DNM1L: variants seen among roughly 807,000 people sequenced by gnomAD.
DNM1L encodes dynamin-1-like protein.
In DNM1L, 33 loss-of-function variants were observed where a neutral mutation model predicts 92.8. The ratio of observed to expected loss-of-function variants is 0.36; its 90% CI spans 0.27 to 0.48. The LOEUF (loss-of-function observed/expected upper bound fraction) is 0.48, where lower values mean the gene tolerates loss of function less well. Among genes scored for constraint, DNM1L ranks in the 20% least tolerant of loss-of-function variants. The probability of loss-of-function intolerance (pLI) is 0.99; values close to 1 mark genes in which losing one functional copy is unlikely to be tolerated. For synonymous variants in DNM1L, 284 were observed against 305.0 expected (o/e 0.93, Z 0.72); for missense variants, 485 against 888.8 (o/e 0.55, Z 5.78).
intron 8 of DNM1L, 97 bp downstream of exon 8, chr12:32,720,892 C>G (rs1953770961): frequency 1.4e-6 from 2 of 1,479,662 alleles, no homozygotes; most frequent in Non-Finnish European, 1.9e-6. Context: ...CATACTGTTC[C>G]TAACAGCTTC....
chr12:32,701,574 A>G lies in DNM1L; in HGVS notation c.250+12A>G, dbSNP rs1283808011. The G allele has an allele frequency of 1.2e-6, 2 of 1,603,444 alleles. No homozygotes were observed. ...AGGAGAAGAAAATGGTAAATTTCAG[A>G]TTTGAGATAATTATTTTACAGCTCT... On this transcript the variant is annotated intron_variant, in intron 2 of 19. Transcript: ENST00000549701.
chr12:32,718,771 G>A lies in DNM1L; in HGVS notation c.740+8G>A, dbSNP rs1396577836. The A allele has an allele frequency of 1.2e-6, 2 of 1,613,380 alleles. No individual in the cohort carries two copies. The highest frequency in any genetic ancestry group is 1.7e-6 in the Non-Finnish European group (2 of 1,179,532). On this transcript the variant is annotated splice_region_variant and intron_variant, in intron 7 of 19. Coordinates refer to ENST00000549701, the MANE Select transcript of DNM1L (RefSeq NM_012062.5). ...AATTGGAGTAGTTAACAGGTTAGCA[G>A]TTAGAATGGGATAAGAATTGGGATA...
At chr12:32,729,857 G>A (rs150510002) in intron 9 of DNM1L, among the ~76,000 whole-genome samples, 81 of 152,208 alleles carry the variant, frequency 5.3e-4, no homozygotes, top group African/African-American at 1.9e-3. Context: ...ACTTCTGTTA[G>A]CATAATATTA....
intron 13 of DNM1L, among the ~76,000 whole-genome samples, chr12:32,736,674 G>A (rs1188471837): frequency 6.6e-6 from 1 of 152,188 alleles, no homozygotes; most frequent in Non-Finnish European, 1.5e-5. Flanking sequence ...AGGTGTTCAG[G>A]TTAGAGTGAC....
intron 8 of DNM1L, among the ~76,000 whole-genome samples, chr12:32,721,657 A>C (rs767324606): frequency 9.2e-5 from 14 of 152,142 alleles, no homozygotes; most frequent in Non-Finnish European, 1.5e-4. Context: ...TTCTAGCTGA[A>C]TGTCCTTTAA....
At chr12:32,710,828 T>C in intron 4 of DNM1L, 101 bp from the exon 5 acceptor site, 1 of 1,031,620 alleles carries the variant, frequency 9.7e-7, no homozygotes, top group South Asian at 1.6e-5. Context: ...GGAATCATGA[T>C]TTAATTCATT....
At chr12:32,737,457 T>C in intron 14 of DNM1L, 1 of 412,320 alleles carries the variant, frequency 2.4e-6, no homozygotes, top group East Asian at 4.8e-5. Context: ...TGCACATAGC[T>C]GAAATGACTC....
At chr12:32,722,329 T>C (rs1953847526) in intron 8 of DNM1L, 98 bp from the exon 9 acceptor site, 2 of 994,576 alleles carry the variant, frequency 2.0e-6, no homozygotes, top group South Asian at 2.8e-5. Context: ...CCAGGACAAA[T>C]TATTTGATAG....
At chr12:32,720,004 A>G (rs1953733993) in intron 7 of DNM1L, among the ~76,000 whole-genome samples, 1 of 152,212 alleles carries the variant, frequency 6.6e-6, no homozygotes. Context: ...GATACAACGT[A>G]GGTTTAAATG....
chr12:32,706,046 G>A (rs1052721348), intron 2 of DNM1L: 2 of 487,518 alleles, frequency 4.1e-6, no homozygotes, highest in African/African-American at 4.0e-5. Context: ...AAGCTTTTTT[G>A]GTGGTGAATG....
chr12:32,698,525 C>T (rs1952563551), intron 1 of DNM1L, among the ~76,000 whole-genome samples: 1 of 152,134 alleles, frequency 6.6e-6, no homozygotes. Flanking sequence ...GTAAATAGTC[C>T]TTATGTAAAT....
At chr12:32,680,014 A>G in intron 1 of DNM1L, 1 of 985,364 alleles carries the variant, frequency 1.0e-6, no homozygotes, top group Non-Finnish European at 1.2e-6. Context: ...GTTTTCCTGC[A>G]GTATAATTCC....
chr12:32,692,604 GTCA>G (rs1165991631), intron 1 of DNM1L: 1 of 150,274 alleles, frequency 6.7e-6, no homozygotes, highest in Non-Finnish European at 1.5e-5. Context: ...GAACTAACTA[GTCA>G]TCATAAGAAC....
At chr12:32,710,827 A>G (rs1953098596) in intron 4 of DNM1L, 102 bp from the exon 5 acceptor site, 1 of 1,026,824 alleles carries the variant, frequency 9.7e-7, no homozygotes, top group African/African-American at 1.6e-5. Context: ...AGGAATCATG[A>G]TTTAATTCAT....
intron 9 of DNM1L, among the ~76,000 whole-genome samples, chr12:32,724,117 C>CTGT (rs1953949744): frequency 6.6e-6 from 1 of 152,170 alleles, no homozygotes; most frequent in Non-Finnish European, 1.5e-5. Context: ...TGTGGCACTA[C>CTGT]AGTCTGAAAT....
chr12:32,743,435 T>C lies in DNM1L; in HGVS notation c.*25T>C. ...AAGAGAACTATGTAATACTGAGACTTTGTTGACTCAAAACTTGCTAGTTAC... is the reference window on the plus strand; with the variant it reads ...AAGAGAACTATGTAATACTGAGACTCTGTTGACTCAAAACTTGCTAGTTAC... On this transcript the variant is annotated 3_prime_UTR_variant, in exon 20 of 20. Transcript: ENST00000549701. The C allele has an allele frequency of 1.2e-6, 2 of 1,611,764 alleles. No homozygotes were observed. The highest frequency in any genetic ancestry group is 1.7e-6 in the Non-Finnish European group (2 of 1,178,088).
intron 17 of DNM1L, 42 bp downstream of exon 17, chr12:32,740,282 C>T (rs1955196766): frequency 6.2e-6 from 10 of 1,613,340 alleles, no homozygotes; most frequent in Non-Finnish European, 6.8e-6. Context: ...GGTAGGTGAC[C>T]AAGTTAGTAG....
rs1170370521 is a variant in DNM1L, at chr12:32,713,300, C to A, written c.548C>A (p.Ala183Asp). Residue 183 changes from alanine to aspartate, a missense_variant, in exon 6 of 20, where the codon GCT (alanine) becomes GAT (aspartate). Transcript: ENST00000549701. The stretch of plus-strand genomic sequence containing the variant: ...AGTAATCCTAATTCCATTATCCTCG[C>A]TGTCACTGCTGCTAATACAGATATG... ...FISNPNSIIL[A>D]VTAANTDMAT... The A allele has an allele frequency of 6.2e-7, 1 of 1,613,920 alleles. No individual in the cohort carries two copies. Among genetic ancestry groups the A allele is most frequent in the Non-Finnish European group, 8.5e-7 (1 of 1,179,934 alleles).
At chr12:32,708,323 T>C (rs1953002390) in intron 4 of DNM1L, 99 bp downstream of exon 4, 2 of 785,018 alleles carry the variant, frequency 2.5e-6, no homozygotes, top group South Asian at 3.3e-5. Context: ...ATTCCTACTC[T>C]TGATCTTAGC....
Sources: allele counts gnomAD v4.1 joint callset (sites outside exome capture counted in the v4.1 genomes callset), GRCh38; gene constraint gnomAD v4.1.1; transcripts MANE v1.5; gene names NCBI Gene and HGNC (gene_info 2026-07-23, HGNC 2026-07-21).